Variants in NOL8 observed in about 807,000 individuals in gnomAD.
NOL8 encodes nucleolar protein 8, also known as nucleolar protein Nop132.
NOL8 carries 93 observed loss-of-function variants against 116.1 expected under a neutral mutation model. The observed-to-expected ratio is 0.80, with a 90% confidence interval of 0.68 to 0.95. The LOEUF (loss-of-function observed/expected upper bound fraction) is 0.95, where lower values mean the gene tolerates loss of function less well. Among genes scored for constraint, NOL8 ranks in the 40% least tolerant of loss-of-function variants. NOL8 has a pLI of 0.00. For synonymous variants in NOL8, 419 were observed against 469.0 expected, an observed-to-expected ratio of 0.89 and a Z score of 1.38; for missense variants, 1,291 against 1,382.8, an observed-to-expected ratio of 0.93 and a Z score of 1.05.
At chr9:92,303,797 C>T (rs1686092563) in intron 12 of NOL8, among the ~76,000 whole-genome samples, 1 of 152,094 alleles carries the variant, frequency 6.6e-6, no homozygotes, top group Non-Finnish European at 1.5e-5. Context: ...GAGCAAGACC[C>T]TGTCTCTAAG....
At chr9:92,319,463 T>C in intron 4 of NOL8, 107 bp from the exon 5 acceptor site, 1 of 1,183,602 alleles carries the variant, frequency 8.4e-7, no homozygotes, top group South Asian at 2.3e-5. Flanking sequence ...AGCTTTGTAG[T>C]ATTAAAAACC....
chr9:92,315,377 T>G lies in NOL8; in HGVS notation c.1248A>C (p.Glu416Asp). The change falls in exon 7 of 17, where the codon GAA (glutamate) becomes GAC (aspartate). Residue 416 changes from glutamate to aspartate, a missense_variant. Transcript: ENST00000442668. ...STKKTSFKNRENCELSDHCIK... is the reference protein window; with the variant it reads ...STKKTSFKNRDNCELSDHCIK... ...TACAGTGATCAGAAAGCTCACAGTT[T>G]TCTCTATTTTTGAAAGAAGTTTTCT... The G allele has an allele frequency of 6.2e-7, 1 of 1,603,110 alleles. No individual in the cohort carries two copies. The highest frequency in any genetic ancestry group is 8.5e-7 in the Non-Finnish European group (1 of 1,173,676).
At chr9:92,304,078 G>A (rs1374632519) in intron 12 of NOL8, among the ~76,000 whole-genome samples, 1 of 152,014 alleles carries the variant, frequency 6.6e-6, no homozygotes, top group East Asian at 1.9e-4. Flanking sequence ...AAATGAACAG[G>A]CTTTTGGACT....
chr9:92,315,631 C>T lies in NOL8; in HGVS notation c.994G>A (p.Asp332Asn). ...TQPSINESES[D>N]PFEVVRDDFK... The stretch of plus-strand genomic sequence containing the variant: ...TCATCCCTTACAACTTCAAAAGGAT[C>T]ACTTTCAGATTCATTTATTGAGGGT... Residue 332 changes from aspartate to asparagine, a missense_variant, in exon 7 of 17, where the codon GAT becomes AAT. Asp to Asn is a conservative substitution (Grantham distance 23). Transcript: ENST00000442668. The T allele has an allele frequency of 6.2e-7, 1 of 1,613,276 alleles. No homozygotes were observed. Among genetic ancestry groups the T allele is most frequent in the Non-Finnish European group, 8.5e-7 (1 of 1,179,600 alleles).
rs771895049 is a variant in NOL8 at position 92,314,788 on chromosome 9, T to A, written c.1837A>T (p.Met613Leu). The change falls in exon 7 of 17, where the codon ATG (methionine) becomes TTG (leucine). Residue 613 changes from methionine to leucine, a missense_variant. Coordinates refer to ENST00000442668, the MANE Select transcript of NOL8 (RefSeq NM_017948.6). ...TTAACATATGGGGACCCATCTTCCA[T>A]GGATATGATACTGGGATCCTCATGT... ...MKHEDPSIISMEDGSPYVNGS... is the reference protein window; with the variant it reads ...MKHEDPSIISLEDGSPYVNGS... 1 of 1,613,772 alleles carries A rather than the reference T, an allele frequency of 6.2e-7. No individual in the cohort carries two copies.
At chr9:92,299,366 A>G (rs893200686) in intron 14 of NOL8, among the ~76,000 whole-genome samples, 2 of 152,112 alleles carry the variant, frequency 1.3e-5, no homozygotes. Context: ...TCCCTTTTCT[A>G]TGCACAAACT....
chr9:92,297,978 G>T, intron 16 of NOL8, 92 bp from the exon 17 acceptor site: 1 of 1,114,968 alleles, frequency 9.0e-7, no homozygotes, highest in Non-Finnish European at 1.3e-6. Flanking sequence ...TCACTGTCAG[G>T]GCTGTGGAAA....
chr9:92,313,207 G>T (rs1446191684), intron 7 of NOL8, among the ~76,000 whole-genome samples: 1 of 152,058 alleles, frequency 6.6e-6, no homozygotes, highest in Admixed American at 6.6e-5. Context: ...TATCAATTCA[G>T]TCAATCTATT....
intron 4 of NOL8, among the ~76,000 whole-genome samples, chr9:92,321,209 G>A (rs1329275129): frequency 6.6e-6 from 1 of 152,158 alleles, no homozygotes; most frequent in Non-Finnish European, 1.5e-5. Context: ...TAAACTGAGA[G>A]AAACACCTGC....
chr9:92,310,696 T>G (rs746062334), intron 8 of NOL8, 21 bp from the exon 9 acceptor site: 2 of 1,585,342 alleles, frequency 1.3e-6, no homozygotes, highest in Admixed American at 3.8e-5. Flanking sequence ...ACACAACATT[T>G]ATTAATAGCA....
intron 13 of NOL8, chr9:92,300,729 T>TAA: frequency 8.6e-7 from 1 of 1,169,044 alleles, no homozygotes; most frequent in Non-Finnish European, 1.1e-6. Context: ...TACTTCCTTT[T>TAA]AAAGTACCAC....
chr9:92,311,259 C>T lies in NOL8; in HGVS notation c.2359G>A (p.Asp787Asn). ...GTTGGCTTATCCTCTGGATGACCAT[C>T]CTAGGGAGGCCATCGAAAGCATTGC... Reference protein sequence around the residue: ...KLVHNALANLDGHPEDKPTHI... With the variant: ...KLVHNALANLNGHPEDKPTHI... Residue 787 changes from aspartate (D) to asparagine (N), a missense_variant and splice_region_variant, in exon 8 of 17, where the codon GAT becomes AAT. Transcript: ENST00000442668. The T allele has an allele frequency of 1.2e-6, 2 of 1,608,764 alleles. No homozygotes were observed. Among genetic ancestry groups the T allele is most frequent in the Middle Eastern group, 3.3e-4 (2 of 6,046 alleles).
At chr9:92,298,160 C>T in intron 16 of NOL8, 97 bp downstream of exon 16, 1 of 905,376 alleles carries the variant, frequency 1.1e-6, no homozygotes, top group Non-Finnish European at 1.7e-6. Context: ...TCTGCAGTCT[C>T]CTCACCTATA....
rs372538662 is a variant in NOL8 at position 92,319,212 on chromosome 9, G to A, written c.417+9C>T. 3 of 1,538,160 alleles carry A rather than the reference G, an allele frequency of 2.0e-6. No homozygotes were observed. Among genetic ancestry groups the A allele is most frequent in the African/African-American group, 2.9e-5 (2 of 69,790 alleles). On this transcript the variant is annotated intron_variant, in intron 5 of 16. Transcript: ENST00000442668. ...CATGTAATTGGCTCAGGCTACAGAG[G>A]AGACTCACCTTATGCCCTGGCACTT...
At chr9:92,304,748 G>A (rs1838081591) in intron 12 of NOL8, among the ~76,000 whole-genome samples, 1 of 152,136 alleles carries the variant, frequency 6.6e-6, no homozygotes, top group African/African-American at 2.4e-5. Context: ...ATGTAATTAT[G>A]TGTGTATGTA....
In NOL8 at chr9:92,324,112, T is replaced by C; in HGVS notation, c.50A>G (p.Gln17Arg). ...TKRLYVGGLS[Q>R]DISEADLQNQ... ...TTGTAGGTCTGCCTCAGAAATGTCC[T>C]GGCTAAGGCCACCCACATAAAGGCG... Residue 17 changes from glutamine to arginine, a missense_variant, in exon 2 of 17, where the codon CAG becomes CGG. Gln to Arg is a conservative substitution (Grantham distance 43). Transcript: ENST00000442668. 15 of 1,614,060 alleles carry C rather than the reference T, an allele frequency of 9.3e-6. No individual in the cohort carries two copies. Among genetic ancestry groups the C allele is most frequent in the Non-Finnish European group, 1.3e-5 (15 of 1,179,890 alleles).
intron 6 of NOL8, among the ~76,000 whole-genome samples, 190 bp from the exon 7 acceptor site, chr9:92,316,328 T>C (rs2130717076): frequency 6.6e-6 from 1 of 152,314 alleles, no homozygotes; most frequent in Admixed American, 6.5e-5. Flanking sequence ...TGACATTTGC[T>C]GAGTTAAAGT....
intron 11 of NOL8, among the ~76,000 whole-genome samples, chr9:92,306,604 T>A (rs1220224495): frequency 1.3e-5 from 2 of 152,322 alleles, no homozygotes; most frequent in Non-Finnish European, 1.5e-5. Context: ...ACAGTTACGT[T>A]TATATAAATA....
intron 6 of NOL8, among the ~76,000 whole-genome samples, chr9:92,317,488 G>A (rs1298381564): frequency 2.0e-5 from 3 of 152,168 alleles, no homozygotes; most frequent in Non-Finnish European, 4.4e-5. Flanking sequence ...TATGTCCGGT[G>A]CAACTAGGGC....
Sources: allele counts gnomAD v4.1 joint callset (sites outside exome capture counted in the v4.1 genomes callset), GRCh38; gene constraint gnomAD v4.1.1; transcripts MANE v1.5; gene names NCBI Gene and HGNC (gene_info 2026-07-23, HGNC 2026-07-21).